Variants in STK31 observed in about 807,000 individuals in gnomAD.
The protein encoded by STK31 is serine/threonine kinase 31, also known as serine/threonine-protein kinase 31.
A neutral mutation model predicts 129.7 loss-of-function variants in STK31; 89 were observed. The observed-to-expected ratio is 0.69, with a 90% CI of 0.58 to 0.82. STK31 has a LOEUF of 0.82. Ranked by LOEUF, STK31 falls within the 40% of genes least tolerant of loss-of-function variation. STK31 has a pLI of 0.00. For synonymous variants in STK31, 448 were observed against 395.3 expected, an observed-to-expected ratio of 1.13 and a Z score of -1.58; for missense variants, 1,187 against 1,176.4, an observed-to-expected ratio of 1.01 and a Z score of -0.13.
At chr7:23,810,925 A>G (rs924024309) in intron 22 of STK31, among the ~76,000 whole-genome samples, 1 of 110,350 alleles carries the variant, frequency 9.1e-6, no homozygotes, top group African/African-American at 3.5e-5. Flanking sequence ...ATATGTATAT[A>G]TGTGTGTGTG....
At chr7:23,828,741 C>G (rs1051467117) in intron 23 of STK31, among the ~76,000 whole-genome samples, 5 of 152,032 alleles carry the variant, frequency 3.3e-5, no homozygotes, top group Non-Finnish European at 5.9e-5. Flanking sequence ...GGCTCCACCC[C>G]CTGACTTGTT....
At chr7:23,717,630 T>C in intron 4 of STK31, 51 bp downstream of exon 4, 2 of 1,413,900 alleles carry the variant, frequency 1.4e-6, no homozygotes, top group Non-Finnish European at 9.8e-7. Flanking sequence ...TCAGCTTTCC[T>C]GTGTCTTAGA....
At chr7:23,760,290 C>T (rs1181287593) in intron 10 of STK31, among the ~76,000 whole-genome samples, 2 of 140,160 alleles carry the variant, frequency 1.4e-5, no homozygotes, top group Non-Finnish European at 3.2e-5. Context: ...GGATTATACC[C>T]TGTAAATCTT....
chr7:23,737,303 C>G (rs1362538589), intron 8 of STK31, among the ~76,000 whole-genome samples: 1 of 152,120 alleles, frequency 6.6e-6, no homozygotes, highest in African/African-American at 2.4e-5. Context: ...TTACATTTCC[C>G]TTTATGTTCT....
chr7:23,779,426 A>G (rs1056196053), intron 15 of STK31, among the ~76,000 whole-genome samples: 1 of 152,164 alleles, frequency 6.6e-6, no homozygotes, highest in South Asian at 2.1e-4. Flanking sequence ...AAGTCTGCTG[A>G]AGCTATGCCC....
chr7:23,721,354 G>T (rs1302617514), intron 4 of STK31: 10 of 779,220 alleles, frequency 1.3e-5, no homozygotes, highest in Non-Finnish European at 2.2e-5. Flanking sequence ...GATTCAGGAA[G>T]GGGCAGCGTT....
intron 15 of STK31, among the ~76,000 whole-genome samples, chr7:23,778,680 A>G (rs890574084): frequency 1.3e-5 from 2 of 151,928 alleles, no homozygotes; most frequent in African/African-American, 2.4e-5. Context: ...TTTCAGCTCC[A>G]TGAAGTCATT....
chr7:23,748,182 A>C (rs1316384797), intron 8 of STK31, among the ~76,000 whole-genome samples: 1 of 152,184 alleles, frequency 6.6e-6, no homozygotes, highest in Non-Finnish European at 1.5e-5. Flanking sequence ...TAAATTTGTC[A>C]TGAGATTTCT....
intron 8 of STK31, among the ~76,000 whole-genome samples, chr7:23,743,393 T>C (rs565348832): frequency 6.6e-6 from 1 of 152,348 alleles, no homozygotes; most frequent in Non-Finnish European, 1.5e-5. Flanking sequence ...TCTTCATTCA[T>C]GAAAGACAAC....
intron 15 of STK31, among the ~76,000 whole-genome samples, chr7:23,774,560 G>T (rs1030793654): frequency 6.6e-6 from 1 of 152,112 alleles, no homozygotes; most frequent in Non-Finnish European, 1.5e-5. Context: ...TCATGTGTCT[G>T]TTGGCTGCAT....
intron 23 of STK31, among the ~76,000 whole-genome samples, chr7:23,825,306 T>G (rs1432324433): frequency 2.0e-5 from 3 of 152,226 alleles, no homozygotes; most frequent in Middle Eastern, 3.2e-3. Context: ...GAGATTCAAC[T>G]TCTTCCTGGC....
chr7:23,761,535 C>T (rs562940568), intron 10 of STK31, among the ~76,000 whole-genome samples: 1 of 151,604 alleles, frequency 6.6e-6, no homozygotes, highest in Non-Finnish European at 1.5e-5. Flanking sequence ...ATTCTGCTGC[C>T]TCAGCCTCCC....
chr7:23,742,806 A>T (rs773917983), intron 8 of STK31, among the ~76,000 whole-genome samples: 1 of 152,032 alleles, frequency 6.6e-6, no homozygotes, highest in African/African-American at 2.4e-5. Context: ...CCCTGTGGAA[A>T]AGGCACACAC....
intron 23 of STK31, among the ~76,000 whole-genome samples, chr7:23,830,924 T>A (rs1794507287): frequency 1.3e-5 from 2 of 152,148 alleles, no homozygotes; most frequent in African/African-American, 4.8e-5. Context: ...CTGGCCAATT[T>A]CCATGCGTTT....
chr7:23,768,066 GC>G (rs1322657355), intron 11 of STK31, among the ~76,000 whole-genome samples: 1 of 151,748 alleles, frequency 6.6e-6, no homozygotes, highest in African/African-American at 2.4e-5. Flanking sequence ...GACAAACCCA[GC>G]CAGGCCAATT....
chr7:23,763,303 C>T (rs1645806282), intron 11 of STK31, among the ~76,000 whole-genome samples: 1 of 152,076 alleles, frequency 6.6e-6, no homozygotes, highest in Non-Finnish European at 1.5e-5. Context: ...GGTTTTTAGG[C>T]TCCATGACCA....
At position 23,735,684 on chromosome 7, in the gene STK31, G is replaced by A. The variant is rs1787675335; in HGVS notation, c.630G>A (p.Glu210=). ...AGGTGCTTAAGAAAGGATTTGCAGA[G>A]AAATGCAGACTTGCTTCCAGAACTG... ...GEEVLKKGFA[E]KCRLASRTDI... Residue 210 remains glutamate (E), a synonymous_variant, in exon 7 of 24, where the codon GAG becomes GAA. Coordinates refer to ENST00000355870, the MANE Select transcript of STK31 (RefSeq NM_031414.5). 1.9e-6 allele frequency: 3 copies of A among 1,613,942 alleles called. No individual in the cohort carries two copies. The highest frequency in any genetic ancestry group is 2.5e-6 in the Non-Finnish European group (3 of 1,180,034).
chr7:23,770,559 A>T (rs372184283), intron 13 of STK31, among the ~76,000 whole-genome samples: 6 of 152,144 alleles, frequency 3.9e-5, no homozygotes, highest in African/African-American at 1.2e-4. Context: ...TAATGCTCTT[A>T]TTCTACACAG....
At chr7:23,791,457 T>A (rs549472969) in intron 22 of STK31, 1 of 243,230 alleles carries the variant, frequency 4.1e-6, no homozygotes, top group African/African-American at 2.3e-5. Flanking sequence ...GACACTGGGG[T>A]CTACTTGAGG....
Sources: allele counts gnomAD v4.1 joint callset (sites outside exome capture counted in the v4.1 genomes callset), GRCh38; gene constraint gnomAD v4.1.1; transcripts MANE v1.5; gene names NCBI Gene and HGNC (gene_info 2026-07-23, HGNC 2026-07-21).